Variants in COLEC12 observed in about 807,000 individuals in gnomAD.
COLEC12 encodes the protein collectin-12.
A neutral mutation model predicts 71.1 loss-of-function variants in COLEC12; 33 were observed. The observed-to-expected ratio is 0.46, with a 90% confidence interval of 0.35 to 0.62. The LOEUF is 0.62. Ranked by LOEUF, COLEC12 falls within the 20% of genes least tolerant of loss-of-function variation. The pLI, the probability that COLEC12 is intolerant of heterozygous loss-of-function variation, is 0.00. For missense variants in COLEC12, 765 were observed against 916.1 expected (o/e 0.84, Z 2.13); for synonymous variants, 350 against 353.0 (o/e 0.99, Z 0.10).
At chr18:428,390 C>T (rs934946171) in intron 2 of COLEC12, among the ~76,000 whole-genome samples, 2 of 152,108 alleles carry the variant, frequency 1.3e-5, no homozygotes, top group African/African-American at 4.8e-5. Context: ...CCATAGAGTT[C>T]ATTTACATTT....
In COLEC12 at chr18:368,739, G is replaced by A. The variant is rs370323859; in HGVS notation, c.59-11217C>T. 1.2e-3 allele frequency among the ~76,000 whole-genome samples: 184 copies of A among 152,184 alleles called. 6 individuals are homozygous for A. The South Asian group carries it at 0.031, about 26-fold the overall frequency. The stretch of plus-strand genomic sequence containing the variant: ...AAATTAGCCGGGCGTGGTGGCGGGC[G>A]CCTGTAGTCCCAGCTACTTCTGAGG... On this transcript the variant is annotated intron_variant, in intron 2 of 9. Coordinates refer to ENST00000400256, the MANE Select transcript of COLEC12 (RefSeq NM_130386.3).
intron 2 of COLEC12, among the ~76,000 whole-genome samples, chr18:449,348 C>A (rs1598367667): frequency 6.6e-6 from 1 of 152,244 alleles, no homozygotes; most frequent in Non-Finnish European, 1.5e-5. Context: ...AAATCTGCTC[C>A]ACTTACTGTT....
intron 2 of COLEC12, among the ~76,000 whole-genome samples, chr18:429,455 C>T (rs1221110722): frequency 2.0e-5 from 3 of 151,662 alleles, no homozygotes; most frequent in Non-Finnish European, 4.4e-5. Flanking sequence ...AATCTCGGCT[C>T]ATTGCAACCT....
rs117525232 is a variant in COLEC12, at chr18:364,012, C to T, written c.59-6490G>A. On this transcript the variant is annotated intron_variant, in intron 2 of 9. Coordinates refer to ENST00000400256, the MANE Select transcript of COLEC12 (RefSeq NM_130386.3). Reference sequence around the variant, plus strand: ...TGTATTCATAAAGATGTGTTCAAACCGGAAAAGTTACTTAGAAGAGAGTTT... The same window carrying T: ...TGTATTCATAAAGATGTGTTCAAACTGGAAAAGTTACTTAGAAGAGAGTTT... 6.6e-3 allele frequency among the ~76,000 whole-genome samples: 1,000 copies of T among 152,166 alleles called. 4 individuals are homozygous for T. Among genetic ancestry groups the T allele is most frequent in the Non-Finnish European group, 0.01 (699 of 68,012 alleles).
At chr18:328,019 T>A (rs1323891253) in intron 8 of COLEC12, among the ~76,000 whole-genome samples, 1 of 152,112 alleles carries the variant, frequency 6.6e-6, no homozygotes, top group African/African-American at 2.4e-5. Flanking sequence ...CTCGTTTTTT[T>A]AAGAGATGGG....
At chr18:347,476 G>C in intron 4 of COLEC12, 135 bp from the exon 5 acceptor site, 1 of 680,786 alleles carries the variant, frequency 1.5e-6, no homozygotes, top group Non-Finnish European at 2.5e-6. Context: ...GGACAGCTCT[G>C]CATTAGTAAA....
At chr18:368,603 G>T (rs774995927) in intron 2 of COLEC12, among the ~76,000 whole-genome samples, 38 of 151,886 alleles carry the variant, frequency 2.5e-4, no homozygotes, top group Admixed American at 2.5e-3. Flanking sequence ...GGTGGCTCAG[G>T]CCTGTAATCC....
intron 2 of COLEC12, among the ~76,000 whole-genome samples, chr18:476,384 AAAC>A (rs1242335040): frequency 6.6e-6 from 1 of 152,258 alleles, no homozygotes; most frequent in Admixed American, 6.5e-5. Context: ...TGTCAAATAC[AAAC>A]AACAAATGTT....
intron 2 of COLEC12, among the ~76,000 whole-genome samples, chr18:420,561 T>C (rs1372864948): frequency 6.6e-6 from 1 of 152,198 alleles, no homozygotes; most frequent in Non-Finnish European, 1.5e-5. Flanking sequence ...AAGGGGGTTC[T>C]GGATTATCTT....
chr18:379,999 A>G (rs979392867), intron 2 of COLEC12, among the ~76,000 whole-genome samples: 9 of 152,030 alleles, frequency 5.9e-5, no homozygotes, highest in East Asian at 1.9e-4. Context: ...TTTTTTTCCA[A>G]TGATGAAGAA....
chr18:391,940 C>T (rs1358708754), intron 2 of COLEC12, among the ~76,000 whole-genome samples: 2 of 152,150 alleles, frequency 1.3e-5, no homozygotes, highest in Non-Finnish European at 2.9e-5. Flanking sequence ...AAAATAATCT[C>T]GCATTCTGCT....
At chr18:358,890 A>G (rs1052091053) in intron 2 of COLEC12, among the ~76,000 whole-genome samples, 2 of 152,220 alleles carry the variant, frequency 1.3e-5, no homozygotes, top group Admixed American at 6.5e-5. Flanking sequence ...ATAAAAATAC[A>G]GTTTTATAAT....
chr18:364,447 T>TA (rs1914813930), intron 2 of COLEC12, among the ~76,000 whole-genome samples: 1 of 152,188 alleles, frequency 6.6e-6, no homozygotes, highest in South Asian at 2.1e-4. Context: ...TCACATCTCT[T>TA]ACAGTTGTCT....
chr18:417,669 C>T (rs1916014784), intron 2 of COLEC12, among the ~76,000 whole-genome samples: 1 of 152,172 alleles, frequency 6.6e-6, no homozygotes, highest in Non-Finnish European at 1.5e-5. Context: ...ATAGTGGAGC[C>T]AGCGTTAGAA....
intron 2 of COLEC12, among the ~76,000 whole-genome samples, chr18:466,579 G>C (rs990006094): frequency 6.6e-6 from 1 of 152,142 alleles, no homozygotes; most frequent in Non-Finnish European, 1.5e-5. Flanking sequence ...TATTAGATGA[G>C]GAGCTTTGGT....
At position 361,539 on chromosome 18, in the gene COLEC12, C is replaced by T. The variant is rs541447433; in HGVS notation, c.59-4017G>A. On this transcript the variant is annotated intron_variant, in intron 2 of 9. Transcript: ENST00000400256. ...AGAAGGCACTCTTAACTAAAGGATGCGCGCATGAACACACACACCCACACT... is the reference window on the plus strand; with the variant it reads ...AGAAGGCACTCTTAACTAAAGGATGTGCGCATGAACACACACACCCACACT... Among the ~76,000 whole-genome samples, 7 of 152,228 alleles carry T rather than the reference C, an allele frequency of 4.6e-5. No homozygotes were observed. In the South Asian group the frequency reaches 1.2e-3, roughly 27 times the overall value.
intron 1 of COLEC12, among the ~76,000 whole-genome samples, chr18:494,857 G>A (rs572239772): frequency 3.9e-5 from 6 of 152,246 alleles, no homozygotes; most frequent in East Asian, 1.9e-4. Context: ...AATACCTCAC[G>A]TGATACTGAG....
At chr18:491,836 A>G (rs1382452234) in intron 1 of COLEC12, among the ~76,000 whole-genome samples, 1 of 152,146 alleles carries the variant, frequency 6.6e-6, no homozygotes, top group East Asian at 1.9e-4. Flanking sequence ...TTTTATCTTG[A>G]TATGTCCCTA....
At chr18:393,385 CTTTGGT>C (rs1915503686) in intron 2 of COLEC12, among the ~76,000 whole-genome samples, 1 of 111,796 alleles carries the variant, frequency 8.9e-6, no homozygotes, top group Non-Finnish European at 2.2e-5. Context: ...TCCCTTTTTT[CTTTGGT>C]ATCTAGGGAG....
Sources: allele counts gnomAD v4.1 joint callset (sites outside exome capture counted in the v4.1 genomes callset), GRCh38; gene constraint gnomAD v4.1.1; transcripts MANE v1.5; gene names NCBI Gene and HGNC (gene_info 2026-07-23, HGNC 2026-07-21).